CSMD1: variants seen among roughly 807,000 people sequenced by gnomAD.
The protein encoded by CSMD1 is CUB and Sushi multiple domains 1.
In CSMD1, 213 loss-of-function variants were observed where a neutral mutation model predicts 417.5. The ratio of observed to expected loss-of-function variants is 0.51; its 90% CI spans 0.46 to 0.57. The LOEUF (loss-of-function observed/expected upper bound fraction) is 0.57, where lower values mean the gene tolerates loss of function less well. CSMD1 is among the 20% of genes least tolerant of loss of function. The probability of loss-of-function intolerance (pLI) is 0.00; values close to 1 mark genes in which losing one functional copy is unlikely to be tolerated. For synonymous variants in CSMD1, 2,862 were observed against 1,736.8 expected (o/e 1.65, Z -16.11); for missense variants, 6,923 against 4,529.7 (o/e 1.53, Z -15.17).
chr8:3,986,368 C>T (rs1300393257), intron 5 of CSMD1, among the ~76,000 whole-genome samples: 4 of 152,114 alleles, frequency 2.6e-5, no homozygotes. Context: ...TGAGACACCC[C>T]CAGCCAACCT....
Position 4,735,795 on chromosome 8 carries a change from T to A in CSMD1, c.86-98237A>T, listed in dbSNP as rs530257794. On this transcript the variant is annotated intron_variant, in intron 1 of 69. Coordinates refer to ENST00000635120, the MANE Select transcript of CSMD1 (RefSeq NM_033225.6). Reference sequence around the variant, plus strand: ...GAGGATTTGAATTTTAGAGGAATTTTTCCAAGGCTGCCTAGATCTTCAATG... The same window carrying A: ...GAGGATTTGAATTTTAGAGGAATTTATCCAAGGCTGCCTAGATCTTCAATG... 5.6e-4 allele frequency among the ~76,000 whole-genome samples: 85 copies of A among 152,298 alleles called. 1 individual carries two copies. The highest frequency in any genetic ancestry group is 2.0e-3 in the African/African-American group (85 of 41,572).
rs544598442 is a variant in CSMD1, at chr8:4,425,899, T to A, written c.303-5834A>T. ...TTCAACAAAATATGACATATGTTAC[T>A]CCCTATCGTAATTTTTTAGTGTTTT... On this transcript the variant is annotated intron_variant, in intron 2 of 69. Transcript: ENST00000635120. Among the ~76,000 whole-genome samples the A allele has an allele frequency of 3.3e-5, 5 of 152,234 alleles. No homozygotes were observed. In the East Asian group the frequency reaches 9.6e-4, roughly 29 times the overall value.
intron 26 of CSMD1, among the ~76,000 whole-genome samples, chr8:3,246,117 G>A (rs1352214511): frequency 2.0e-5 from 3 of 151,992 alleles, no homozygotes; most frequent in East Asian, 1.9e-4. Flanking sequence ...AAGGCACATC[G>A]GTTCATGTCA....
chr8:3,542,313 TTCAA>T (rs2116713957), intron 10 of CSMD1, among the ~76,000 whole-genome samples: 1 of 151,984 alleles, frequency 6.6e-6, no homozygotes, highest in Non-Finnish European at 1.5e-5. Flanking sequence ...ATTCAGAATC[TTCAA>T]TCATTCAGAT....
chr8:3,418,871 C>T (rs184773353), intron 12 of CSMD1, among the ~76,000 whole-genome samples: 1 of 152,232 alleles, frequency 6.6e-6, no homozygotes, highest in East Asian at 1.9e-4. Context: ...CTTTTAAAGA[C>T]ATAGAAAACG....
At chr8:3,071,010 G>A (rs1287093614) in intron 49 of CSMD1, among the ~76,000 whole-genome samples, 1 of 152,246 alleles carries the variant, frequency 6.6e-6, no homozygotes, top group Non-Finnish European at 1.5e-5. Context: ...AATCATGGCA[G>A]AAGGCCAAGG....
chr8:3,031,974 GTA>G (rs60178259), intron 50 of CSMD1, among the ~76,000 whole-genome samples: 6,340 of 146,504 alleles, frequency 0.043, 457 homozygotes, highest in African/African-American at 0.15. Flanking sequence ...GTATGTGTGT[GTA>G]TATATATATA....
intron 7 of CSMD1, among the ~76,000 whole-genome samples, chr8:3,678,840 C>T (rs992796325): frequency 2.0e-5 from 3 of 152,186 alleles, no homozygotes; most frequent in Non-Finnish European, 4.4e-5. Flanking sequence ...GCTGATCTCT[C>T]AGCAGAAAGT....
chr8:4,802,369 G>C (rs1798346601), intron 1 of CSMD1, among the ~76,000 whole-genome samples: 1 of 151,932 alleles, frequency 6.6e-6, no homozygotes, highest in South Asian at 2.1e-4. Context: ...GTGTGTGTGT[G>C]TGTGTGTGTA....
chr8:4,597,003 G>C (rs980671708), intron 2 of CSMD1, among the ~76,000 whole-genome samples: 1 of 152,228 alleles, frequency 6.6e-6, no homozygotes, highest in Non-Finnish European at 1.5e-5. Context: ...CCATGATTCT[G>C]AGGCCTCCCA....
Position 3,029,513 on chromosome 8 carries a change from G to C in CSMD1, c.7661C>G (p.Pro2554Arg), listed in dbSNP as rs535819091. The C allele has an allele frequency of 1.9e-6, 3 of 1,588,712 alleles. No individual in the cohort carries two copies. In the African/African-American group the frequency reaches 4.0e-5, roughly 21 times the overall value. ...SNKGKPPTCKPVACPSIEAQL... is the reference protein window; with the variant it reads ...SNKGKPPTCKRVACPSIEAQL... ...AGCTTCAATGCTGGGGCAAGCGACCGCTGGAAGGGAAACGTACATCACATC... is the reference window on the plus strand; with the variant it reads ...AGCTTCAATGCTGGGGCAAGCGACCCCTGGAAGGGAAACGTACATCACATC... The change falls in exon 51 of 70, where the codon CCG (proline) becomes CGG (arginine). Residue 2554 changes from proline (P) to arginine (R), a missense_variant and splice_region_variant. Pro to Arg is a moderately radical substitution (Grantham distance 103). Transcript: ENST00000635120.
intron 3 of CSMD1, among the ~76,000 whole-genome samples, chr8:4,255,555 TC>T (rs1334339816): frequency 1.3e-5 from 2 of 152,156 alleles, no homozygotes; most frequent in Non-Finnish European, 2.9e-5. Context: ...GTTTTTATCT[TC>T]TAGATAGAAT....
rs1033762482 is a variant in CSMD1, at chr8:4,202,147, C to G, written c.416-170048G>C. Among the ~76,000 whole-genome samples, 3 of 151,792 alleles carry G rather than the reference C, an allele frequency of 2.0e-5. No homozygotes were observed. The East Asian group carries it at 5.8e-4, about 29-fold the overall frequency. ...GAAAACATCTTTCAATCAGCCATTT[C>G]TAGGACGGGTGGGATGACCAGCTGT... On this transcript the variant is annotated intron_variant, in intron 3 of 69. Transcript: ENST00000635120.
chr8:3,156,001 G>A (rs1229457876), intron 39 of CSMD1, among the ~76,000 whole-genome samples: 1 of 152,280 alleles, frequency 6.6e-6, no homozygotes, highest in East Asian at 1.9e-4. Flanking sequence ...TGAGATGTGG[G>A]GAAATTAGGC....
chr8:4,756,607 A>T lies in CSMD1; in HGVS notation c.86-119049T>A, dbSNP rs1205361993. On this transcript the variant is annotated intron_variant, in intron 1 of 69. Coordinates refer to ENST00000635120, the MANE Select transcript of CSMD1 (RefSeq NM_033225.6). Reference sequence around the variant, plus strand: ...GACTTGTTTTTGCAGATGTATCTTCACTTTGGCTCACTAATTGTCTCACTC... The same window carrying T: ...GACTTGTTTTTGCAGATGTATCTTCTCTTTGGCTCACTAATTGTCTCACTC... Among the ~76,000 whole-genome samples, 3 of 152,186 alleles carry T rather than the reference A, an allele frequency of 2.0e-5. No individual in the cohort carries two copies. The East Asian group carries it at 5.8e-4, about 29-fold the overall frequency.
intron 5 of CSMD1, among the ~76,000 whole-genome samples, chr8:3,959,396 G>A (rs796962655): frequency 6.6e-6 from 1 of 152,178 alleles, no homozygotes; most frequent in Non-Finnish European, 1.5e-5. Context: ...CTACTCAAGA[G>A]GCTGAAGTGG....
At chr8:4,058,196 C>G (rs938476369) in intron 3 of CSMD1, among the ~76,000 whole-genome samples, 4 of 152,004 alleles carry the variant, frequency 2.6e-5, no homozygotes, top group East Asian at 1.9e-4. Context: ...TCTTTGTATC[C>G]TCTTTTATTT....
chr8:4,723,066 A>C, intron 1 of CSMD1, among the ~76,000 whole-genome samples: 1 of 152,262 alleles, frequency 6.6e-6, no homozygotes, highest in Non-Finnish European at 1.5e-5. Flanking sequence ...TCCTTTCAAA[A>C]GTGAATAGAG....
chr8:3,049,211 T>A (rs1211796831), intron 50 of CSMD1, among the ~76,000 whole-genome samples: 1 of 152,160 alleles, frequency 6.6e-6, no homozygotes, highest in Non-Finnish European at 1.5e-5. Context: ...TACCATTCAC[T>A]CTATCAATCT....
Sources: gnomAD v4.1 joint callset for allele counts (sites outside exome capture counted in the v4.1 genomes callset) on GRCh38, gnomAD v4.1.1 for gene constraint, MANE v1.5 for transcripts, NCBI Gene and HGNC (gene_info 2026-07-23, HGNC 2026-07-21) for gene names.